Variants in PIEZO2 observed in about 807,000 individuals in gnomAD.
PIEZO2 encodes the protein piezo-type mechanosensitive ion channel component 2.
A neutral mutation model predicts 337.3 loss-of-function variants in PIEZO2; 172 were observed. The observed-to-expected ratio is 0.51, with a 90% CI of 0.45 to 0.58. PIEZO2 has a LOEUF of 0.58. Among genes scored for constraint, PIEZO2 ranks in the 20% least tolerant of loss-of-function variants. The pLI is 0.00. For missense variants in PIEZO2, 3,028 were observed against 3,391.3 expected, an observed-to-expected ratio of 0.89 and a Z score of 2.66; for synonymous variants, 1,251 against 1,228.5, an observed-to-expected ratio of 1.02 and a Z score of -0.38.
chr18:11,041,826 A>G (rs1490623540), intron 2 of PIEZO2, among the ~76,000 whole-genome samples: 1 of 152,234 alleles, frequency 6.6e-6, no homozygotes, highest in Non-Finnish European at 1.5e-5. Flanking sequence ...CCAGCAGAGT[A>G]ACATCCATTC....
chr18:10,971,300 G>C (rs1202369778), intron 3 of PIEZO2, among the ~76,000 whole-genome samples: 2 of 152,174 alleles, frequency 1.3e-5, no homozygotes, highest in Non-Finnish European at 2.9e-5. Context: ...ACACACTTCA[G>C]GGAAGTAAAT....
intron 3 of PIEZO2, among the ~76,000 whole-genome samples, chr18:10,950,991 C>T (rs1318157977): frequency 3.9e-5 from 6 of 152,116 alleles, no homozygotes; most frequent in African/African-American, 7.2e-5. Context: ...CTTGTTATAC[C>T]CAACTGAAAC....
intron 42 of PIEZO2, among the ~76,000 whole-genome samples, chr18:10,703,799 G>A (rs1185930972): frequency 6.6e-6 from 1 of 152,206 alleles, no homozygotes; most frequent in Non-Finnish European, 1.5e-5. Context: ...TACCCCGCAT[G>A]GGATGAAAAT....
chr18:11,142,972 G>A (rs534818621), intron 1 of PIEZO2, among the ~76,000 whole-genome samples: 7 of 152,174 alleles, frequency 4.6e-5, no homozygotes, highest in South Asian at 2.1e-4. Flanking sequence ...CCAGCTACTC[G>A]GGTGGCTGAG....
chr18:10,696,333 G>C (rs752505386), intron 46 of PIEZO2, 45 bp from the exon 47 acceptor site: 4 of 1,613,826 alleles, frequency 2.5e-6, no homozygotes, highest in Admixed American at 3.3e-5. Context: ...GGCAATTCAT[G>C]GCAGGAAGCG....
At chr18:10,887,270 C>T (rs111345947) in intron 4 of PIEZO2, among the ~76,000 whole-genome samples, 8,202 of 151,816 alleles carry the variant, frequency 0.054, 231 homozygotes, top group South Asian at 0.079. Context: ...AGGATTTCAC[C>T]TTGTTAGCCA....
In PIEZO2 at chr18:10,775,898, T is replaced by C. The variant is rs2038767729; in HGVS notation, c.2535-1860A>G. Among the ~76,000 whole-genome samples, 1 of 140,330 alleles carries C rather than the reference T, an allele frequency of 7.1e-6. No individual in the cohort carries two copies. Among genetic ancestry groups the C allele is most frequent in the Non-Finnish European group, 1.5e-5 (1 of 65,212 alleles). The allele number at this position is 140,330 out of a possible 152,430, so 92.1% of individuals were successfully genotyped here. A position where few individuals can be genotyped will look rare whatever the true frequency, so the allele number is the denominator to read the frequency against. ...TCTGGAGCAGTCTAACCTCATGAGCTTGTAATGGATGACAAAAAAAGAAAA... is the reference window on the plus strand; with the variant it reads ...TCTGGAGCAGTCTAACCTCATGAGCCTGTAATGGATGACAAAAAAAGAAAA... On this transcript the variant is annotated intron_variant, in intron 18 of 55. Transcript: ENST00000674853. The surrounding 1 kb of genome is among the most constrained non-coding windows in gnomAD (Gnocchi z 4.3).
At chr18:10,998,060 A>G (rs931344080) in intron 2 of PIEZO2, among the ~76,000 whole-genome samples, 4 of 152,178 alleles carry the variant, frequency 2.6e-5, no homozygotes, top group African/African-American at 7.2e-5. Context: ...TAAAGACCAC[A>G]TATTTTTCAT....
Position 10,816,927 on chromosome 18 carries a change from G to T in PIEZO2, c.918-9653C>A, listed in dbSNP as rs1483866062. On this transcript the variant is annotated intron_variant, in intron 7 of 55. Coordinates refer to ENST00000674853, the MANE Select transcript of PIEZO2 (RefSeq NM_001378183.1). The stretch of plus-strand genomic sequence containing the variant: ...TTAATTTTTAAAACATTGAAGATAC[G>T]TTGGGGCTCATCAAGCAGAGGAATA... Among the ~76,000 whole-genome samples the T allele has an allele frequency of 4.6e-5, 7 of 152,002 alleles. 1 individual carries two copies. Among genetic ancestry groups the T allele is most frequent in the Admixed American group, 2.6e-4 (4 of 15,254 alleles).
chr18:10,789,232 C>G lies in PIEZO2; in HGVS notation c.2016G>C (p.Met672Ile). 4 of 1,537,368 alleles carry G rather than the reference C, an allele frequency of 2.6e-6. No homozygotes were observed. Among genetic ancestry groups the G allele is most frequent in the Non-Finnish European group, 3.5e-6 (4 of 1,146,936 alleles). Residue 672 changes from methionine to isoleucine, a missense_variant, in exon 15 of 56, where the codon ATG becomes ATC. By Grantham distance (10) the Met-to-Ile change is conservative. Coordinates refer to ENST00000674853, the MANE Select transcript of PIEZO2 (RefSeq NM_001378183.1). ...EAEEEDEQDI[M>I]KVLGNLVVAM... ...CCACCACCAGATTGCCCAGGACTTT[C>G]ATGATGTCCTGCTCATCTTCTTCTT...
chr18:10,707,056 G>C lies in PIEZO2; in HGVS notation c.5588+1219C>G, dbSNP rs1201756127. On this transcript the variant is annotated intron_variant, in intron 40 of 55. Transcript: ENST00000674853. This position sits in a 1 kb window ranked among gnomAD's most constrained non-coding sequence, Gnocchi z 4.2. ...CTGAGCTTTTGATGCCCGCTCAGGT[G>C]TTCAGAATCCCCAGGGCTGTGTCCT... 6.6e-6 allele frequency among the ~76,000 whole-genome samples: 1 copy of C among 152,170 alleles called. No individual in the cohort carries two copies.
At chr18:11,063,872 G>A (rs2870108) in intron 2 of PIEZO2, among the ~76,000 whole-genome samples, 98,852 of 151,920 alleles carry the variant, frequency 0.65, 32,829 homozygotes, top group East Asian at 0.97. Context: ...AAGCCATGCT[G>A]CATTCACTCT....
intron 9 of PIEZO2, among the ~76,000 whole-genome samples, chr18:10,801,667 C>G (rs200222526): frequency 3.9e-5 from 4 of 103,438 alleles, no homozygotes. Context: ...ATAAGCAAGT[C>G]TATAAATGTT....
chr18:10,741,270 A>T (rs543500613), intron 32 of PIEZO2, among the ~76,000 whole-genome samples, 168 bp from the exon 33 acceptor site: 1 of 152,360 alleles, frequency 6.6e-6, no homozygotes, highest in South Asian at 2.1e-4. Context: ...ATTAACAGTC[A>T]ATTTCACAAG....
At chr18:10,697,924 G>C in intron 44 of PIEZO2, 44 bp from the exon 45 acceptor site, 1 of 1,560,026 alleles carries the variant, frequency 6.4e-7, no homozygotes, top group Non-Finnish European at 8.7e-7. Context: ...GGAGCCTGGG[G>C]TTTGTTCACC....
intron 10 of PIEZO2, among the ~76,000 whole-genome samples, chr18:10,800,854 T>C (rs2039787954): frequency 6.6e-6 from 1 of 152,218 alleles, no homozygotes; most frequent in African/African-American, 2.4e-5. Flanking sequence ...CCTCCATCTA[T>C]ATGGGACTCT....
chr18:10,675,661 T>A (rs547749650), intron 53 of PIEZO2, among the ~76,000 whole-genome samples: 2 of 152,292 alleles, frequency 1.3e-5, no homozygotes, highest in East Asian at 3.9e-4. Flanking sequence ...AATTTTTAGA[T>A]TTTCAAACAT....
At position 10,962,676 on chromosome 18, in the gene PIEZO2, C is replaced by G. The variant is rs1202656794; in HGVS notation, c.286+16859G>C. On this transcript the variant is annotated intron_variant, in intron 3 of 55. Coordinates refer to ENST00000674853, the MANE Select transcript of PIEZO2 (RefSeq NM_001378183.1). This position sits in a 1 kb window ranked among gnomAD's most constrained non-coding sequence, Gnocchi z 4.1. Reference sequence around the variant, plus strand: ...ACAAATTACTTTCTCCATAAGCAAACTTTCAGTAGGCATCCTGAGACGTAG... The same window carrying G: ...ACAAATTACTTTCTCCATAAGCAAAGTTTCAGTAGGCATCCTGAGACGTAG... 6.6e-6 allele frequency among the ~76,000 whole-genome samples: 1 copy of G among 152,206 alleles called. No individual in the cohort carries two copies. Among genetic ancestry groups the G allele is most frequent in the Non-Finnish European group, 1.5e-5 (1 of 68,046 alleles).
At chr18:10,904,682 T>C (rs2043132031) in intron 4 of PIEZO2, among the ~76,000 whole-genome samples, 1 of 152,260 alleles carries the variant, frequency 6.6e-6, no homozygotes. Context: ...GGCTGTGTTT[T>C]AGCCTGGATC....
Sources: allele counts gnomAD v4.1 joint callset (sites outside exome capture counted in the v4.1 genomes callset), GRCh38; gene constraint gnomAD v4.1.1; non-coding constraint Gnocchi (gnomAD v3.1); transcripts MANE v1.5; gene names NCBI Gene and HGNC (gene_info 2026-07-23, HGNC 2026-07-21).